HTR1E: variants seen among roughly 807,000 people sequenced by gnomAD.
HTR1E encodes the protein 5-hydroxytryptamine receptor 1E.
In HTR1E, 3 loss-of-function variants were observed where a neutral mutation model predicts 3.4. That is an observed-to-expected ratio of 0.89 (90% CI 0.41 to 2.31). The LOEUF is 2.31. HTR1E is among the 30% of genes most tolerant of loss of function. The probability of loss-of-function intolerance (pLI) is 0.05; values close to 1 mark genes in which losing one functional copy is unlikely to be tolerated. For synonymous variants in HTR1E, 170 were observed against 182.8 expected (o/e 0.93, Z 0.56); for missense variants, 392 against 467.0 (o/e 0.84, Z 1.48).
intron 1 of HTR1E, among the ~76,000 whole-genome samples, chr6:86,989,844 C>T (rs1290947040): frequency 1.3e-5 from 2 of 152,112 alleles, no homozygotes; most frequent in Non-Finnish European, 2.9e-5. Context: ...CTGTTCTTCA[C>T]TCCTCCATTT....
chr6:86,967,795 T>A (rs569215024), intron 1 of HTR1E, among the ~76,000 whole-genome samples: 1 of 152,196 alleles, frequency 6.6e-6, no homozygotes, highest in African/African-American at 2.4e-5. Context: ...TCTCATTATA[T>A]AACTTGGCAT....
chr6:86,961,229 T>C (rs965117715), intron 1 of HTR1E, among the ~76,000 whole-genome samples: 1 of 152,232 alleles, frequency 6.6e-6, no homozygotes, highest in Non-Finnish European at 1.5e-5. Flanking sequence ...GGATTTTTCA[T>C]CTGTTTTAAA....
Position 86,940,755 on chromosome 6 carries a change from TGG to T in HTR1E, c.-186+2934_-186+2935del, listed in dbSNP as rs1439180322. Among the ~76,000 whole-genome samples the T allele has an allele frequency of 2.0e-5, 3 of 152,166 alleles. No homozygotes were observed. The East Asian group carries it at 5.8e-4, about 29-fold the overall frequency. ...AAAGATCAAATCTAACGCTCTAATGTGGGAAAGCATTCCCTCTATTTCTACAA... is the reference window on the plus strand; with the variant it reads ...AAAGATCAAATCTAACGCTCTAATGTGAAAGCATTCCCTCTATTTCTACAA... On this transcript the variant is annotated intron_variant, in intron 1 of 1. Coordinates refer to ENST00000305344, the MANE Select transcript of HTR1E (RefSeq NM_000865.3).
intron 1 of HTR1E, among the ~76,000 whole-genome samples, chr6:86,944,422 T>C (rs1768586747): frequency 6.6e-6 from 1 of 152,236 alleles, no homozygotes; most frequent in Non-Finnish European, 1.5e-5. Context: ...TTTTATCTCA[T>C]AGTAATGTTC....
chr6:86,942,190 A>G (rs1260648805), intron 1 of HTR1E, among the ~76,000 whole-genome samples: 1 of 152,230 alleles, frequency 6.6e-6, no homozygotes, highest in Non-Finnish European at 1.5e-5. Context: ...CATCTGAGGA[A>G]GATGGAGGAA....
chr6:87,001,942 G>A (rs1276584096), intron 1 of HTR1E, among the ~76,000 whole-genome samples: 5 of 152,006 alleles, frequency 3.3e-5, no homozygotes, highest in Admixed American at 2.0e-4. Context: ...AATGCCAATG[G>A]AAACCAAAAA....
At chr6:87,007,419 C>A (rs116154630) in intron 1 of HTR1E, among the ~76,000 whole-genome samples, 1 of 152,020 alleles carries the variant, frequency 6.6e-6, no homozygotes, top group Non-Finnish European at 1.5e-5. Context: ...TTTGATATCA[C>A]AACAGGGTGA....
intron 1 of HTR1E, among the ~76,000 whole-genome samples, chr6:86,994,424 T>C (rs1415761745): frequency 2.0e-5 from 3 of 151,974 alleles, no homozygotes; most frequent in Non-Finnish European, 4.4e-5. Flanking sequence ...AAAAATTGAA[T>C]GACAAGGTTT....
chr6:87,010,640 C>CGGA (rs1768213623), intron 1 of HTR1E, among the ~76,000 whole-genome samples: 1 of 146,738 alleles, frequency 6.8e-6, no homozygotes, highest in Non-Finnish European at 1.5e-5. Context: ...GGCGGCCGGG[C>CGGA]GGAGACGCTC....
chr6:86,973,393 A>G (rs542048991), intron 1 of HTR1E, among the ~76,000 whole-genome samples: 7 of 151,874 alleles, frequency 4.6e-5, no homozygotes, highest in Admixed American at 2.6e-4. Flanking sequence ...GCTGACAGGG[A>G]ACGCAGGAGA....
intron 1 of HTR1E, among the ~76,000 whole-genome samples, chr6:86,999,452 A>G (rs1476069771): frequency 1.3e-5 from 2 of 152,206 alleles, no homozygotes; most frequent in Non-Finnish European, 2.9e-5. Flanking sequence ...TAAAATGGGG[A>G]GACCTCACTG....
chr6:86,941,873 G>T (rs893944093), intron 1 of HTR1E, among the ~76,000 whole-genome samples: 2 of 151,266 alleles, frequency 1.3e-5, no homozygotes, highest in African/African-American at 4.9e-5. Flanking sequence ...AAGAAAGGAA[G>T]GAAGGAAGGA....
intron 1 of HTR1E, among the ~76,000 whole-genome samples, chr6:87,007,149 G>T (rs1768123593): frequency 6.6e-6 from 1 of 152,164 alleles, no homozygotes. Context: ...CCATAAAAAA[G>T]AATGAGATCC....
intron 1 of HTR1E, among the ~76,000 whole-genome samples, chr6:87,011,663 C>T (rs1017803013): frequency 7.1e-4 from 108 of 152,288 alleles, no homozygotes; most frequent in African/African-American, 2.5e-3. Context: ...ATGCTATTTT[C>T]TATTTTTTCC....
intron 1 of HTR1E, among the ~76,000 whole-genome samples, chr6:86,954,992 C>T (rs960760630): frequency 6.6e-6 from 1 of 152,146 alleles, no homozygotes; most frequent in Admixed American, 6.5e-5. Context: ...CAAATCGACC[C>T]TCTGCTCCCT....
chr6:87,016,324 G>A lies in HTR1E; in HGVS notation c.990G>A (p.Thr330=), dbSNP rs141247281. The A allele has an allele frequency of 1.3e-4, 207 of 1,614,180 alleles. No homozygotes were observed. In the South Asian group the frequency reaches 2.0e-3, roughly 15 times the overall value. The stretch of plus-strand genomic sequence containing the variant: ...CCTCGGAAGTGGCCGACTTTCTGAC[G>A]TGGCTCGGTTATGTGAATTCTCTGA... The part of the protein sequence containing the change: ...TVSSEVADFL[T]WLGYVNSLIN... The change falls in exon 2 of 2, where the codon ACG becomes ACA. Residue 330 remains threonine (T), a synonymous_variant. Transcript: ENST00000305344.
chr6:86,950,139 C>A (rs1254613316), intron 1 of HTR1E, among the ~76,000 whole-genome samples: 1 of 152,114 alleles, frequency 6.6e-6, no homozygotes, highest in Non-Finnish European at 1.5e-5. Context: ...AATTCATAAT[C>A]ATTGTTAAAT....
At chr6:86,979,628 A>G (rs1179967630) in intron 1 of HTR1E, among the ~76,000 whole-genome samples, 1 of 152,226 alleles carries the variant, frequency 6.6e-6, no homozygotes, top group Non-Finnish European at 1.5e-5. Flanking sequence ...AAGACATGTA[A>G]TGACAATATA....
intron 1 of HTR1E, among the ~76,000 whole-genome samples, chr6:86,950,310 A>T (rs1309395032): frequency 4.6e-5 from 7 of 152,212 alleles, no homozygotes. Flanking sequence ...CTGTTATTAA[A>T]ATGCAAACTG....
Sources: allele counts gnomAD v4.1 joint callset (sites outside exome capture counted in the v4.1 genomes callset), GRCh38; gene constraint gnomAD v4.1.1; transcripts MANE v1.5; gene names NCBI Gene and HGNC (gene_info 2026-07-23, HGNC 2026-07-21).